OCA2: variants seen among roughly 807,000 people sequenced by gnomAD.
OCA2 encodes OCA2 melanosomal transmembrane protein.
In OCA2, 77 loss-of-function variants were observed where a neutral mutation model predicts 100.2. The ratio of observed to expected loss-of-function variants is 0.77; its 90% CI spans 0.64 to 0.93. OCA2 has a LOEUF of 0.93. Ranked by LOEUF, OCA2 falls within the 40% of genes least tolerant of loss-of-function variation. OCA2 has a pLI of 0.00. For missense variants in OCA2, 1,062 were observed against 1,089.1 expected (o/e 0.98, Z 0.35); for synonymous variants, 432 against 439.2 (o/e 0.98, Z 0.21).
chr15:27,724,064 G>T, the OCA2 span, among the ~76,000 whole-genome samples: 3 of 152,128 alleles, frequency 2.0e-5, no homozygotes, highest in African/African-American at 7.2e-5. Context: ...TGATCTCTGG[G>T]GATATTGCAG....
chr15:27,798,578 G>A (rs1209453823), intron 23 of OCA2, among the ~76,000 whole-genome samples: 2 of 151,920 alleles, frequency 1.3e-5, no homozygotes, highest in Non-Finnish European at 2.9e-5. Context: ...TCCTCGCTCT[G>A]ACCCTGATGA....
intron 19 of OCA2, among the ~76,000 whole-genome samples, chr15:27,876,465 G>A (rs2036796492): frequency 6.6e-6 from 1 of 151,896 alleles, no homozygotes; most frequent in African/African-American, 2.4e-5. Context: ...CAAAATAAGT[G>A]GGGAACTGTC....
At chr15:27,916,409 C>G (rs1259402586) in intron 19 of OCA2, among the ~76,000 whole-genome samples, 5 of 152,102 alleles carry the variant, frequency 3.3e-5, no homozygotes, top group Non-Finnish European at 7.4e-5. Flanking sequence ...ATTTCTTCTT[C>G]TAAGGGTAAA....
At chr15:27,926,378 T>A in intron 18 of OCA2, 124 bp from the exon 19 acceptor site, 1 of 980,064 alleles carries the variant, frequency 1.0e-6, no homozygotes, top group Non-Finnish European at 1.6e-6. Flanking sequence ...CGCATATATG[T>A]AAAATGCATA....
chr15:27,827,904 G>T (rs2034795415), intron 23 of OCA2, among the ~76,000 whole-genome samples: 1 of 151,944 alleles, frequency 6.6e-6, no homozygotes, highest in Non-Finnish European at 1.5e-5. Flanking sequence ...TTTATATATA[G>T]AAACGAAGAC....
At chr15:27,860,519 T>C (rs984930694) in intron 21 of OCA2, among the ~76,000 whole-genome samples, 1 of 152,204 alleles carries the variant, frequency 6.6e-6, no homozygotes, top group African/African-American at 2.4e-5. Context: ...TACCCAATAT[T>C]TAGCTGCCAC....
chr15:27,850,175 T>G (rs1416231998), intron 22 of OCA2, among the ~76,000 whole-genome samples: 1 of 152,212 alleles, frequency 6.6e-6, no homozygotes, highest in Non-Finnish European at 1.5e-5. Context: ...TCACTCTGTA[T>G]GACCTGGCTT....
At chr15:27,923,514 A>G (rs1438371912) in intron 19 of OCA2, among the ~76,000 whole-genome samples, 1 of 152,166 alleles carries the variant, frequency 6.6e-6, no homozygotes, top group Non-Finnish European at 1.5e-5. Flanking sequence ...CTGCAACTTC[A>G]TTAGCATGTG....
In OCA2 at chr15:27,997,745, T is replaced by C. The variant is rs551132052; in HGVS notation, c.1045-7098A>G. Among the ~76,000 whole-genome samples the C allele has an allele frequency of 6.2e-3, 734 of 119,278 alleles. 11 individuals carry two copies. The highest frequency in any genetic ancestry group is 0.018 in the African/African-American group (702 of 38,980). 78.3% of individuals were successfully genotyped at this position (119,278 alleles called of 152,430 possible). A position where few individuals can be genotyped will look rare whatever the true frequency, so the allele number is the denominator to read the frequency against. On this transcript the variant is annotated intron_variant, in intron 9 of 23. Coordinates refer to ENST00000354638, the MANE Select transcript of OCA2 (RefSeq NM_000275.3). ...CATTGGTAGCTTGCTGGGGATGGCA[T>C]TGAATCTATAAATTACCTTGGGCAG...
At chr15:27,925,698 C>T (rs936522648) in intron 19 of OCA2, among the ~76,000 whole-genome samples, 6 of 152,094 alleles carry the variant, frequency 3.9e-5, no homozygotes, top group Admixed American at 2.6e-4. Flanking sequence ...TTTGTAACAA[C>T]AATTGTAATG....
intron 9 of OCA2, among the ~76,000 whole-genome samples, chr15:27,997,446 A>G (rs950940503): frequency 7.3e-5 from 11 of 150,248 alleles, no homozygotes; most frequent in Non-Finnish European, 1.6e-4. Flanking sequence ...TCCTTTCCCC[A>G]TTGCTTGTTT....
intron 2 of OCA2, among the ~76,000 whole-genome samples, chr15:28,059,324 C>T (rs1038028277): frequency 2.0e-5 from 3 of 152,210 alleles, no homozygotes; most frequent in African/African-American, 7.2e-5. Context: ...ATTTGAATAA[C>T]CCAAAACTTA....
chr15:27,806,560 C>T (rs1327039911), intron 23 of OCA2, among the ~76,000 whole-genome samples: 1 of 152,050 alleles, frequency 6.6e-6, no homozygotes, highest in African/African-American at 2.4e-5. Flanking sequence ...GAGGAGGGCC[C>T]TTCCCTAGCG....
At chr15:27,872,548 G>A (rs1359376221) in intron 19 of OCA2, among the ~76,000 whole-genome samples, 1 of 152,184 alleles carries the variant, frequency 6.6e-6, no homozygotes, top group Non-Finnish European at 1.5e-5. Flanking sequence ...ACTGTGAGAG[G>A]TCACCGGAAA....
At chr15:27,928,311 A>C (rs2039119186) in intron 18 of OCA2, among the ~76,000 whole-genome samples, 1 of 152,220 alleles carries the variant, frequency 6.6e-6, no homozygotes, top group Non-Finnish European at 1.5e-5. Flanking sequence ...TTCTTTCAAA[A>C]GCTCAGTAAG....
At chr15:27,732,985 C>T in the OCA2 span, among the ~76,000 whole-genome samples, 4 of 152,162 alleles carry the variant, frequency 2.6e-5, no homozygotes, top group Admixed American at 2.6e-4. Flanking sequence ...ATAATTACAA[C>T]TTTGTAACGA....
chr15:27,752,806 C>A (rs797011973), downstream of OCA2, among the ~76,000 whole-genome samples: 46 of 75,846 alleles, frequency 6.1e-4, no homozygotes, highest in African/African-American at 6.7e-3. Flanking sequence ...CCCCACCCCC[C>A]CCCCCCCCCC....
chr15:28,015,651 C>T (rs1361401889), intron 8 of OCA2, among the ~76,000 whole-genome samples: 3 of 152,158 alleles, frequency 2.0e-5, no homozygotes, highest in Non-Finnish European at 4.4e-5. Flanking sequence ...GACACCTTGA[C>T]CTCGGACTTC....
rs113766832 is a variant in OCA2, at chr15:28,095,715, C to CAAAA, written c.-22+3505_-22+3508dup. 2.5e-4 allele frequency among the ~76,000 whole-genome samples: 25 copies of CAAAA among 98,234 alleles called. 1 individual carries two copies. Among genetic ancestry groups the CAAAA allele is most frequent in the African/African-American group, 8.8e-4 (23 of 26,206 alleles). The allele number at this position is 98,234 out of a possible 152,430, so 64.4% of individuals were successfully genotyped here. A position where few individuals can be genotyped will look rare whatever the true frequency, so the allele number is the denominator to read the frequency against. ...CTGGACAACAAGAACGAAACTGTCT[C>CAAAA]AAAAAAAAAAAAAAAAGAACATTGT... On this transcript the variant is annotated intron_variant, in intron 1 of 23. Transcript: ENST00000354638.
Sources: allele counts gnomAD v4.1 joint callset (sites outside exome capture counted in the v4.1 genomes callset), GRCh38; gene constraint gnomAD v4.1.1; transcripts MANE v1.5; gene names NCBI Gene and HGNC (gene_info 2026-07-23, HGNC 2026-07-21).